ERMP1: variants seen among roughly 807,000 people sequenced by gnomAD.
ERMP1 encodes the protein Felix-ina.
A neutral mutation model predicts 92.0 loss-of-function variants in ERMP1; 86 were observed. The observed-to-expected ratio is 0.93, with a 90% CI of 0.79 to 1.12. The LOEUF is 1.12. Ranked by LOEUF, ERMP1 falls within the 50% of genes most tolerant of loss-of-function variation. The pLI is 0.00. For missense variants in ERMP1, 1,342 were observed against 1,116.3 expected, an observed-to-expected ratio of 1.20 and a Z score of -2.88; for synonymous variants, 530 against 412.8, an observed-to-expected ratio of 1.28 and a Z score of -3.44.
In ERMP1 at chr9:5,804,941, G is replaced by T. The variant is rs563598208; in HGVS notation, c.1914+86C>A. 10 of 1,007,174 alleles carry T rather than the reference G, an allele frequency of 9.9e-6. No individual in the cohort carries two copies. In the South Asian group the frequency reaches 1.6e-4, roughly 16 times the overall value. The allele number at this position is 1,007,174 out of a possible 1,614,324, so 62.4% of individuals were successfully genotyped here. On this transcript the variant is annotated intron_variant, in intron 10 of 14. Transcript: ENST00000339450. ...TTCAGATTTTCTCAATAAAGTACACGTAACACTATTTCACAGAATCTAGTA... is the reference window on the plus strand; with the variant it reads ...TTCAGATTTTCTCAATAAAGTACACTTAACACTATTTCACAGAATCTAGTA...
intron 10 of ERMP1, among the ~76,000 whole-genome samples, chr9:5,803,508 C>T (rs1415892598): frequency 6.6e-6 from 1 of 152,086 alleles, no homozygotes; most frequent in Non-Finnish European, 1.5e-5. Flanking sequence ...ATCAGTGGAA[C>T]AGAATTTAAA....
chr9:5,786,253 T>A lies in ERMP1; in HGVS notation c.*891A>T, dbSNP rs567300518. 1 of 152,292 alleles carries A rather than the reference T, an allele frequency of 6.6e-6. No individual in the cohort carries two copies. 9.4% of individuals were successfully genotyped at this position (152,292 alleles called of 1,614,324 possible). A position where few individuals can be genotyped will look rare whatever the true frequency, so the allele number is the denominator to read the frequency against. ...GAAAAGAGAATAAATATTTATAAAA[T>A]TCCCACCACTCCCAGCCTTCCTTCT... On this transcript the variant is annotated 3_prime_UTR_variant, in exon 15 of 15. Coordinates refer to ENST00000339450, the MANE Select transcript of ERMP1 (RefSeq NM_024896.3).
At chr9:5,863,196 A>C (rs1306928512) in intron 5 of ERMP1, among the ~76,000 whole-genome samples, 1 of 152,176 alleles carries the variant, frequency 6.6e-6, no homozygotes, top group Non-Finnish European at 1.5e-5. Flanking sequence ...TAATGTTAGA[A>C]ATGTTACATT....
chr9:5,857,641 T>G (rs1455618220), intron 6 of ERMP1, among the ~76,000 whole-genome samples: 1 of 152,164 alleles, frequency 6.6e-6, no homozygotes, highest in African/African-American at 2.4e-5. Context: ...AATACCATCT[T>G]ATAAAGGTCA....
intron 6 of ERMP1, among the ~76,000 whole-genome samples, chr9:5,841,762 G>A (rs370013072): frequency 1.2e-4 from 19 of 152,200 alleles, no homozygotes; most frequent in South Asian, 6.2e-4. Context: ...ATGTGTGTCC[G>A]GAACTGGTTC....
chr9:5,808,033 C>T (rs1239148941), intron 8 of ERMP1, among the ~76,000 whole-genome samples: 1 of 152,028 alleles, frequency 6.6e-6, no homozygotes, highest in Non-Finnish European at 1.5e-5. Flanking sequence ...TTATATTGCC[C>T]AGGCTGGTCT....
intron 1 of ERMP1, chr9:5,832,364 A>G (rs1010395826): frequency 1.3e-5 from 4 of 310,726 alleles, no homozygotes; most frequent in African/African-American, 6.5e-5. Flanking sequence ...AAGCAAGGTA[A>G]AAAGGGGAAG....
chr9:5,806,193 A>G (rs1334975416), intron 8 of ERMP1, among the ~76,000 whole-genome samples: 1 of 152,216 alleles, frequency 6.6e-6, no homozygotes, highest in Non-Finnish European at 1.5e-5. Context: ...GAACTGCTGC[A>G]GCACCACCAA....
chr9:5,862,436 G>T (rs962028164), intron 5 of ERMP1, among the ~76,000 whole-genome samples: 22 of 151,986 alleles, frequency 1.4e-4, no homozygotes, highest in African/African-American at 5.3e-4. Context: ...GGATTCAAGA[G>T]ATCCTCTCAC....
rs1444107263 is a variant in ERMP1, at chr9:5,815,320, T to G, written c.875-2285A>C. 4.6e-5 allele frequency among the ~76,000 whole-genome samples: 7 copies of G among 152,108 alleles called. No individual in the cohort carries two copies. In the South Asian group the frequency reaches 1.0e-3, roughly 23 times the overall value. ...TGGGACTAGCAAAGTACAAGGTAAG[T>G]TGAAACATCTGTGCCAGAAAGTAAG... On this transcript the variant is annotated intron_variant, in intron 4 of 14. Coordinates refer to ENST00000339450, the MANE Select transcript of ERMP1 (RefSeq NM_024896.3).
intron 6 of ERMP1, among the ~76,000 whole-genome samples, chr9:5,845,508 AAACT>A (rs1420624632): frequency 2.6e-5 from 4 of 152,200 alleles, no homozygotes; most frequent in African/African-American, 9.6e-5. Flanking sequence ...TTCTTTCACA[AAACT>A]AACTCCTGAT....
chr9:5,842,249 G>A (rs983718194), intron 6 of ERMP1, among the ~76,000 whole-genome samples: 3 of 151,988 alleles, frequency 2.0e-5, no homozygotes, highest in African/African-American at 7.3e-5. Context: ...TGATTGGTCC[G>A]TTTTTACAGA....
chr9:5,831,158 T>C (rs571981141), intron 1 of ERMP1, 130 bp from the exon 2 acceptor site: 2 of 641,504 alleles, frequency 3.1e-6, no homozygotes, highest in South Asian at 4.2e-5. Context: ...AGGGACCGCC[T>C]TTCATTATTT....
At chr9:5,833,336 T>C (rs1830033489), upstream of ERMP1, among the ~76,000 whole-genome samples, 1 of 151,892 alleles carries the variant, frequency 6.6e-6, no homozygotes, top group South Asian at 2.1e-4. Context: ...ACGAGAAAAA[T>C]GAGAGATCGC....
chr9:5,793,149 A>G (rs1339927694), intron 13 of ERMP1, among the ~76,000 whole-genome samples: 6 of 152,150 alleles, frequency 3.9e-5, no homozygotes, highest in Admixed American at 3.9e-4. Context: ...GGAAGGAGAA[A>G]TTAGGATTAT....
In ERMP1 at chr9:5,787,200, G is replaced by A. The variant is rs1827977171; in HGVS notation, c.2659C>T (p.Pro887Ser). Residue 887 changes from proline (P) to serine (S), a missense_variant, in exon 15 of 15, where the codon CCA (proline) becomes TCA (serine). Transcript: ENST00000339450. The stretch of plus-strand genomic sequence containing the variant: ...CAGGCAGAGGGAAATGTCCAATCTG[G>A]GAACTTTTCCTTCAGAGCATCCAGT... The part of the protein sequence containing the change: ...PQLDALKEKF[P>S]DWTFPSAWVC... The A allele has an allele frequency of 6.2e-7, 1 of 1,613,932 alleles. No homozygotes were observed. The highest frequency in any genetic ancestry group is 1.3e-5 in the African/African-American group (1 of 74,894).
At chr9:5,843,255 G>A (rs528602901) in intron 6 of ERMP1, among the ~76,000 whole-genome samples, 1 of 152,322 alleles carries the variant, frequency 6.6e-6, no homozygotes, top group East Asian at 1.9e-4. Context: ...TGCGGAATTT[G>A]GGGCTCAGCA....
chr9:5,824,809 T>C (rs550005430), intron 3 of ERMP1, among the ~76,000 whole-genome samples: 1 of 152,312 alleles, frequency 6.6e-6, no homozygotes, highest in South Asian at 2.1e-4. Flanking sequence ...AACTTCAATG[T>C]CAAAGAAAAC....
At chr9:5,865,789 G>T (rs1401339203) in intron 5 of ERMP1, among the ~76,000 whole-genome samples, 3 of 143,172 alleles carry the variant, frequency 2.1e-5, no homozygotes. Flanking sequence ...AGTGAGCCAA[G>T]ATCGTGCCAC....
Sources: gnomAD v4.1 joint callset for allele counts (sites outside exome capture counted in the v4.1 genomes callset) on GRCh38, gnomAD v4.1.1 for gene constraint, MANE v1.5 for transcripts, NCBI Gene and HGNC (gene_info 2026-07-23, HGNC 2026-07-21) for gene names.